The following PTPRD variants were observed in gnomAD, a reference collection of about 807,000 sequenced individuals.
PTPRD encodes protein tyrosine phosphatase receptor type D.
Under a neutral mutation model 214.5 loss-of-function variants are expected in PTPRD, and 34 were observed. The observed-to-expected ratio is 0.16, with a 90% CI of 0.12 to 0.21. The LOEUF is 0.21. PTPRD is among the 10% of genes least tolerant of loss of function. The pLI, the probability that PTPRD is intolerant of heterozygous loss-of-function variation, is 1.00. For synonymous variants in PTPRD, 1,128 were observed against 845.7 expected (o/e 1.33, Z -5.79); for missense variants, 2,545 against 2,398.7 (o/e 1.06, Z -1.27).
chr9:8,573,904 G>A (rs78258376), intron 14 of PTPRD, among the ~76,000 whole-genome samples: 4,132 of 151,912 alleles, frequency 0.027, 206 homozygotes, highest in African/African-American at 0.091. Flanking sequence ...GTGTGCATAA[G>A]CTTGGCAGAA....
chr9:9,713,517 G>C (rs2154426716), intron 7 of PTPRD, among the ~76,000 whole-genome samples: 1 of 152,258 alleles, frequency 6.6e-6, no homozygotes, highest in Admixed American at 6.5e-5. Flanking sequence ...ATTATGCCAA[G>C]TGCAAACTAT....
At chr9:10,234,338 C>G (rs1490150089) in intron 3 of PTPRD, among the ~76,000 whole-genome samples, 3 of 151,880 alleles carry the variant, frequency 2.0e-5, no homozygotes, top group African/African-American at 7.2e-5. Context: ...CTGCGGAACA[C>G]ATATTTTGTA....
intron 14 of PTPRD, among the ~76,000 whole-genome samples, chr9:8,624,901 G>C (rs117304888): frequency 5.5e-4 from 84 of 151,834 alleles, no homozygotes; most frequent in Middle Eastern, 3.4e-3. Flanking sequence ...CTGAAATAAT[G>C]ACTATTTTGT....
chr9:9,130,682 G>T (rs571560420), intron 10 of PTPRD, among the ~76,000 whole-genome samples: 2 of 152,198 alleles, frequency 1.3e-5, no homozygotes, highest in African/African-American at 4.8e-5. Flanking sequence ...ATATTATTTG[G>T]TTCCTACTGA....
intron 14 of PTPRD, among the ~76,000 whole-genome samples, chr9:8,548,819 C>T (rs1400210207): frequency 1.3e-5 from 2 of 150,204 alleles, no homozygotes; most frequent in Non-Finnish European, 3.0e-5. Context: ...CTCAGCCTCC[C>T]GAGTAGCTGG....
chr9:10,063,968 C>T (rs1453408820), intron 3 of PTPRD, among the ~76,000 whole-genome samples: 2 of 151,970 alleles, frequency 1.3e-5, no homozygotes, highest in East Asian at 1.9e-4. Context: ...ATTAATGGAA[C>T]ACAATAGTAA....
intron 9 of PTPRD, among the ~76,000 whole-genome samples, chr9:9,348,626 G>A (rs1035055569): frequency 4.6e-5 from 7 of 152,092 alleles, no homozygotes; most frequent in African/African-American, 1.7e-4. Flanking sequence ...GGGGACAGGA[G>A]TTGGGGTAAG....
chr9:9,619,583 A>G (rs1220385921), intron 7 of PTPRD, among the ~76,000 whole-genome samples: 3 of 146,140 alleles, frequency 2.1e-5, no homozygotes, highest in Non-Finnish European at 3.0e-5. Context: ...TTAATATATC[A>G]TATATGTTAG....
At chr9:9,644,749 G>C (rs922651577) in intron 7 of PTPRD, among the ~76,000 whole-genome samples, 14 of 152,090 alleles carry the variant, frequency 9.2e-5, no homozygotes, top group Admixed American at 3.3e-4. Flanking sequence ...CCCACATCCT[G>C]TACCCATAAA....
At chr9:10,227,360 T>G (rs937272483) in intron 3 of PTPRD, among the ~76,000 whole-genome samples, 12 of 152,090 alleles carry the variant, frequency 7.9e-5, no homozygotes, top group African/African-American at 2.9e-4. Context: ...TGTAAGGGAT[T>G]ACAAAAATAC....
At chr9:9,659,806 G>C (rs1457040947) in intron 7 of PTPRD, among the ~76,000 whole-genome samples, 2 of 151,976 alleles carry the variant, frequency 1.3e-5, no homozygotes, top group Admixed American at 1.3e-4. Flanking sequence ...ATTGAAAATT[G>C]GGACGTTCCC....
rs1159213941 is a variant in PTPRD at position 9,945,327 on chromosome 9, CAT to C, written c.-471-6719_-471-6718del. ...ATTAGGATATAGGTGGTATTATAAA[CAT>C]AGAGATCACATGAGGTCACCAAAGG... is the stretch of plus-strand genomic sequence containing the variant. On this transcript the variant is annotated intron_variant, in intron 4 of 45. Transcript: ENST00000381196. Among the ~76,000 whole-genome samples the C allele has an allele frequency of 3.3e-5, 5 of 152,066 alleles. No homozygotes were observed. The East Asian group carries it at 9.7e-4, about 29-fold the overall frequency.
intron 10 of PTPRD, among the ~76,000 whole-genome samples, chr9:9,101,008 A>G (rs2099790484): frequency 6.6e-6 from 1 of 152,116 alleles, no homozygotes; most frequent in Non-Finnish European, 1.5e-5. Context: ...ATCATACCTG[A>G]TCATTTGGAA....
At chr9:8,404,168 G>C in intron 36 of PTPRD, among the ~76,000 whole-genome samples, 1 of 152,106 alleles carries the variant, frequency 6.6e-6, no homozygotes, top group East Asian at 1.9e-4. Flanking sequence ...TGTTGCCCAG[G>C]CTGGGGCTGG....
At chr9:8,415,570 C>CTTAAT (rs59785309) in intron 35 of PTPRD, among the ~76,000 whole-genome samples, 1 of 151,456 alleles carries the variant, frequency 6.6e-6, no homozygotes, top group African/African-American at 2.4e-5. Context: ...AAACCATAGA[C>CTTAAT]CTATTGTTTG....
At chr9:9,542,559 AT>A (rs1236901288) in intron 8 of PTPRD, among the ~76,000 whole-genome samples, 2 of 151,766 alleles carry the variant, frequency 1.3e-5, no homozygotes, top group Non-Finnish European at 2.9e-5. Flanking sequence ...TATCAGCAGT[AT>A]TTATATCTAA....
intron 4 of PTPRD, among the ~76,000 whole-genome samples, chr9:9,952,578 G>T (rs1325179059): frequency 3.3e-5 from 5 of 152,140 alleles, no homozygotes. Flanking sequence ...AGAGTACAAT[G>T]ATTGAATGGA....
At chr9:8,331,853 G>C in intron 43 of PTPRD, 117 bp from the exon 44 acceptor site, 1 of 1,242,864 alleles carries the variant, frequency 8.0e-7, no homozygotes, top group Non-Finnish European at 1.1e-6. Flanking sequence ...GGTAGAAAAA[G>C]TTAGGAACAT....
rs1177588283 is a variant in PTPRD at position 8,319,857 on chromosome 9, G to C, written c.5644C>G (p.Gln1882Glu). Residue 1882 changes from glutamine (Q) to glutamate (E), a missense_variant, in exon 45 of 46, where the codon CAA becomes GAA. Transcript: ENST00000381196. ...TCTGTCTGTACCATAGCTGGTCGTTGTGTTCTTAACATTTTGACAGTCTGG... is the reference window on the plus strand; with the variant it reads ...TCTGTCTGTACCATAGCTGGTCGTTCTGTTCTTAACATTTTGACAGTCTGG... ...IFQTVKMLRT[Q>E]RPAMVQTEDQ... 1 of 1,612,920 alleles carries C rather than the reference G, an allele frequency of 6.2e-7. No individual in the cohort carries two copies.
Sources: allele counts gnomAD v4.1 joint callset (sites outside exome capture counted in the v4.1 genomes callset), GRCh38; gene constraint gnomAD v4.1.1; transcripts MANE v1.5; gene names NCBI Gene and HGNC (gene_info 2026-07-23, HGNC 2026-07-21).